Variants in APBA1 observed in about 807,000 individuals in gnomAD.
APBA1 encodes amyloid-beta A4 precursor protein-binding family A member 1.
In APBA1, 55 loss-of-function variants were observed where a neutral mutation model predicts 86.6. The ratio of observed to expected loss-of-function variants is 0.64; its 90% CI spans 0.51 to 0.80. The LOEUF (loss-of-function observed/expected upper bound fraction) is 0.80, where lower values mean the gene tolerates loss of function less well. Among genes scored for constraint, APBA1 ranks in the 30% least tolerant of loss-of-function variants. The probability of loss-of-function intolerance (pLI) is 0.00; values close to 1 mark genes in which losing one functional copy is unlikely to be tolerated. For synonymous variants in APBA1, 511 were observed against 493.9 expected, an observed-to-expected ratio of 1.03 and a Z score of -0.46; for missense variants, 1,090 against 1,183.0, an observed-to-expected ratio of 0.92 and a Z score of 1.15.
At chr9:69,525,185 C>T (rs1274552767) in intron 1 of APBA1, among the ~76,000 whole-genome samples, 1 of 152,066 alleles carries the variant, frequency 6.6e-6, no homozygotes, top group Non-Finnish European at 1.5e-5. Context: ...GCAAGGATGC[C>T]CACCGTCATC....
intron 1 of APBA1, among the ~76,000 whole-genome samples, chr9:69,626,789 C>T (rs1481764911): frequency 6.6e-6 from 1 of 151,946 alleles, no homozygotes; most frequent in Non-Finnish European, 1.5e-5. Context: ...AGGCACATTG[C>T]TATCCACAAA....
chr9:69,649,617 G>T (rs978256495), intron 1 of APBA1, among the ~76,000 whole-genome samples: 1 of 152,166 alleles, frequency 6.6e-6, no homozygotes, highest in Admixed American at 6.5e-5. Context: ...GGCTCCATGT[G>T]CTCTGCTCCC....
chr9:69,494,790 G>A (rs1835770022), intron 2 of APBA1, among the ~76,000 whole-genome samples: 1 of 152,130 alleles, frequency 6.6e-6, no homozygotes, highest in South Asian at 2.1e-4. Context: ...AGCACAAGGA[G>A]ATTTGCTGTA....
At chr9:69,668,239 C>A (rs1241325671) in intron 1 of APBA1, among the ~76,000 whole-genome samples, 2 of 152,184 alleles carry the variant, frequency 1.3e-5, no homozygotes, top group African/African-American at 4.8e-5. Context: ...TTAACTTGGA[C>A]AAGCCTGTCA....
At chr9:69,496,983 C>A (rs947847788) in intron 2 of APBA1, among the ~76,000 whole-genome samples, 1 of 151,958 alleles carries the variant, frequency 6.6e-6, no homozygotes, top group Non-Finnish European at 1.5e-5. Flanking sequence ...GACCAGCACA[C>A]GTAAGACTTA....
intron 1 of APBA1, among the ~76,000 whole-genome samples, chr9:69,638,792 C>T (rs1044625629): frequency 1.6e-4 from 24 of 151,898 alleles, no homozygotes; most frequent in African/African-American, 5.6e-4. Flanking sequence ...GCCTCAGTGC[C>T]CATTCAGAAG....
intron 2 of APBA1, among the ~76,000 whole-genome samples, chr9:69,494,905 C>T (rs1835771978): frequency 6.6e-6 from 1 of 152,150 alleles, no homozygotes; most frequent in Non-Finnish European, 1.5e-5. Context: ...ACCTCACTGA[C>T]TAGCAAAGCA....
At chr9:69,601,900 G>A (rs1822356807) in intron 1 of APBA1, among the ~76,000 whole-genome samples, 1 of 152,066 alleles carries the variant, frequency 6.6e-6, no homozygotes, top group Non-Finnish European at 1.5e-5. Flanking sequence ...CAATGCTCAG[G>A]CTCCATGGGC....
chr9:69,446,624 GCCCTCATAGCCTCACTGCTT>G (rs1252881430), intron 10 of APBA1, among the ~76,000 whole-genome samples: 1 of 152,182 alleles, frequency 6.6e-6, no homozygotes, highest in Non-Finnish European at 1.5e-5. Flanking sequence ...GAGTCAGGCT[GCCCTCATAGCCTCACTGCTT>G]CCCTCCTCTG....
chr9:69,499,586 G>T (rs575342069), intron 2 of APBA1, among the ~76,000 whole-genome samples: 2 of 151,506 alleles, frequency 1.3e-5, no homozygotes, highest in East Asian at 3.9e-4. Context: ...CAGCAAGGTC[G>T]ACAGGATAAG....
intron 1 of APBA1, among the ~76,000 whole-genome samples, chr9:69,542,000 A>G (rs1374644708): frequency 1.3e-5 from 2 of 152,092 alleles, no homozygotes; most frequent in African/African-American, 4.8e-5. Context: ...TAAAAATTTT[A>G]CTTTTATAAA....
chr9:69,440,163 C>T (rs533524642), intron 11 of APBA1, among the ~76,000 whole-genome samples: 4 of 152,304 alleles, frequency 2.6e-5, no homozygotes, highest in East Asian at 1.9e-4. Context: ...CAGAGGAGTA[C>T]CCGGCTGTGT....
At chr9:69,482,443 G>A (rs1239009170) in intron 2 of APBA1, among the ~76,000 whole-genome samples, 1 of 151,332 alleles carries the variant, frequency 6.6e-6, no homozygotes, top group East Asian at 1.9e-4. Context: ...ACACCAGTTA[G>A]AATGGCAATC....
intron 1 of APBA1, among the ~76,000 whole-genome samples, chr9:69,560,876 C>A (rs1000000803): frequency 6.6e-6 from 1 of 152,102 alleles, no homozygotes; most frequent in Non-Finnish European, 1.5e-5. Flanking sequence ...TAGGAATGTT[C>A]AACCTGTATT....
At chr9:69,601,462 G>T (rs1472741886) in intron 1 of APBA1, among the ~76,000 whole-genome samples, 1 of 152,220 alleles carries the variant, frequency 6.6e-6, no homozygotes, top group African/African-American at 2.4e-5. Flanking sequence ...TGCCTTTGCT[G>T]ACTTGAAGGA....
At chr9:69,488,316 T>C (rs1297703859) in intron 2 of APBA1, among the ~76,000 whole-genome samples, 2 of 152,092 alleles carry the variant, frequency 1.3e-5, no homozygotes, top group Non-Finnish European at 2.9e-5. Flanking sequence ...TGTGATTCAC[T>C]GACTTTTTTT....
At chr9:69,470,313 T>C (rs1195587599) in intron 4 of APBA1, among the ~76,000 whole-genome samples, 3 of 152,160 alleles carry the variant, frequency 2.0e-5, no homozygotes, top group Admixed American at 6.5e-5. Flanking sequence ...AATTGCAGGT[T>C]TTCTTTTGGC....
chr9:69,448,721 G>C (rs1834953000), intron 10 of APBA1, among the ~76,000 whole-genome samples: 1 of 152,022 alleles, frequency 6.6e-6, no homozygotes, highest in South Asian at 2.1e-4. Flanking sequence ...TTCCAGCTAA[G>C]TCTTTCAGGA....
At chr9:69,603,402 C>T (rs1222446231) in intron 1 of APBA1, among the ~76,000 whole-genome samples, 1 of 152,188 alleles carries the variant, frequency 6.6e-6, no homozygotes, top group Non-Finnish European at 1.5e-5. Context: ...GCTTTGCAGG[C>T]TTTGACCTCT....
Sources: gnomAD v4.1 joint callset for allele counts (sites outside exome capture counted in the v4.1 genomes callset) on GRCh38, gnomAD v4.1.1 for gene constraint, MANE v1.5 for transcripts, NCBI Gene and HGNC (gene_info 2026-07-23, HGNC 2026-07-21) for gene names.